GRID2: variants seen among roughly 807,000 people sequenced by gnomAD.
GRID2 encodes glutamate receptor ionotropic, delta-2.
A neutral mutation model predicts 114.8 loss-of-function variants in GRID2; 33 were observed. The ratio of observed to expected loss-of-function variants is 0.29; its 90% CI spans 0.22 to 0.38. GRID2 has a LOEUF of 0.38. Ranked by LOEUF, GRID2 falls within the 10% of genes least tolerant of loss-of-function variation. The probability of loss-of-function intolerance (pLI) is 1.00; values close to 1 mark genes in which losing one functional copy is unlikely to be tolerated. For synonymous variants in GRID2, 505 were observed against 449.9 expected (o/e 1.12, Z -1.55); for missense variants, 1,184 against 1,257.7 (o/e 0.94, Z 0.89).
intron 14 of GRID2, among the ~76,000 whole-genome samples, chr4:93,654,064 T>G (rs886421393): frequency 6.6e-6 from 1 of 152,208 alleles, no homozygotes; most frequent in African/African-American, 2.4e-5. Context: ...GGGTGTTTCT[T>G]AATAAGTGGA....
At chr4:93,663,486 AATAC>A (rs1723679523) in intron 14 of GRID2, among the ~76,000 whole-genome samples, 2 of 151,986 alleles carry the variant, frequency 1.3e-5, no homozygotes. Context: ...GTGTGTCCAA[AATAC>A]ATATGTATGT....
chr4:92,463,514 T>G (rs922653211), intron 1 of GRID2, among the ~76,000 whole-genome samples: 2 of 152,014 alleles, frequency 1.3e-5, no homozygotes, highest in Non-Finnish European at 2.9e-5. Context: ...CTGAGAAGTT[T>G]AAAAACAGTG....
At chr4:93,697,661 T>A (rs559636077) in intron 14 of GRID2, among the ~76,000 whole-genome samples, 1 of 151,998 alleles carries the variant, frequency 6.6e-6, no homozygotes, top group African/African-American at 2.4e-5. Context: ...AAGATGTTGG[T>A]CAAAGAATAC....
At chr4:92,315,778 C>G (rs1237865683) in intron 1 of GRID2, among the ~76,000 whole-genome samples, 1 of 151,840 alleles carries the variant, frequency 6.6e-6, no homozygotes, top group African/African-American at 2.4e-5. Context: ...CAAGATCAGC[C>G]TGACCAACAT....
chr4:92,755,887 C>T (rs1560574154), intron 2 of GRID2, among the ~76,000 whole-genome samples: 3 of 152,086 alleles, frequency 2.0e-5, no homozygotes, highest in Non-Finnish European at 4.4e-5. Context: ...TTGTTACATG[C>T]ATGCACTGTG....
chr4:93,619,550 A>C (rs1742022494), intron 13 of GRID2, among the ~76,000 whole-genome samples: 1 of 152,186 alleles, frequency 6.6e-6, no homozygotes, highest in Admixed American at 6.5e-5. Context: ...CATTATTCTC[A>C]GGCCTTTTCA....
chr4:92,486,302 C>T (rs1286034218), intron 1 of GRID2, among the ~76,000 whole-genome samples: 1 of 151,494 alleles, frequency 6.6e-6, no homozygotes, highest in African/African-American at 2.4e-5. Flanking sequence ...CTTTGGTATA[C>T]AGCATAAAAA....
At chr4:92,443,702 G>T (rs1275762588) in intron 1 of GRID2, among the ~76,000 whole-genome samples, 1 of 152,054 alleles carries the variant, frequency 6.6e-6, no homozygotes, top group African/African-American at 2.4e-5. Context: ...AGAAGGGGTA[G>T]AGACAAGGAG....
At position 92,907,429 on chromosome 4, in the gene GRID2, G is replaced by T. The variant is rs758954977; in HGVS notation, c.245-177566G>T. On this transcript the variant is annotated intron_variant, in intron 2 of 15. Transcript: ENST00000282020. ...CCATTCCAGTTTTAAATTTTTTTTT[G>T]AGACAGATATTCGCTCTTGTTTCCC... Among the ~76,000 whole-genome samples, 200 of 151,522 alleles carry T rather than the reference G, an allele frequency of 1.3e-3. 1 individual carries two copies. Among genetic ancestry groups the T allele is most frequent in the Non-Finnish European group, 2.3e-3 (159 of 67,866 alleles).
In GRID2 at chr4:92,406,544, T is replaced by TA. The variant is rs1044675644; in HGVS notation, c.88+101807dup. The stretch of plus-strand genomic sequence containing the variant: ...GAGTTTTGGGTATTTTTCCTTTTTT[T>TA]AAAAAAATGTCAACTTTTATTATAG... On this transcript the variant is annotated intron_variant, in intron 1 of 15. Transcript: ENST00000282020. 3.3e-5 allele frequency among the ~76,000 whole-genome samples: 5 copies of TA among 152,082 alleles called. No homozygotes were observed. The East Asian group carries it at 9.7e-4, about 29-fold the overall frequency.
At chr4:92,446,291 G>A (rs1482468247) in intron 1 of GRID2, among the ~76,000 whole-genome samples, 1 of 151,944 alleles carries the variant, frequency 6.6e-6, no homozygotes, top group African/African-American at 2.4e-5. Flanking sequence ...CCTCTTCTTG[G>A]TACCCAAATT....
At chr4:93,135,886 A>C (rs540539806) in intron 4 of GRID2, among the ~76,000 whole-genome samples, 3 of 152,200 alleles carry the variant, frequency 2.0e-5, no homozygotes, top group Non-Finnish European at 2.9e-5. Context: ...CAAAATACTT[A>C]TTATATGTGG....
chr4:92,670,088 A>G (rs1009185808), intron 2 of GRID2, among the ~76,000 whole-genome samples: 1 of 152,124 alleles, frequency 6.6e-6, no homozygotes, highest in Non-Finnish European at 1.5e-5. Context: ...TGAATAACAT[A>G]AAGGACTTTA....
intron 2 of GRID2, among the ~76,000 whole-genome samples, chr4:93,019,351 A>G (rs1217561523): frequency 2.0e-5 from 3 of 152,044 alleles, no homozygotes; most frequent in African/African-American, 7.2e-5. Flanking sequence ...TTTTCTTGTC[A>G]GTTTGAGTTT....
intron 2 of GRID2, among the ~76,000 whole-genome samples, chr4:92,739,828 A>C (rs1314366727): frequency 6.6e-6 from 1 of 152,148 alleles, no homozygotes. Flanking sequence ...AGTCTTATTC[A>C]TTGGTACTGT....
At chr4:93,487,025 A>T (rs1726478849) in intron 11 of GRID2, among the ~76,000 whole-genome samples, 2 of 151,698 alleles carry the variant, frequency 1.3e-5, no homozygotes, top group Admixed American at 6.6e-5. Context: ...AAACCATTCA[A>T]ATTTTCTATT....
At chr4:92,661,296 AC>A (rs1178794215) in intron 2 of GRID2, among the ~76,000 whole-genome samples, 3 of 150,984 alleles carry the variant, frequency 2.0e-5, no homozygotes, top group African/African-American at 7.3e-5. Flanking sequence ...TTAAAAAGTC[AC>A]CCTGTTTAAA....
chr4:92,844,627 T>C lies in GRID2; in HGVS notation c.245-240368T>C, dbSNP rs181854831. Among the ~76,000 whole-genome samples the C allele has an allele frequency of 2.0e-5, 3 of 150,374 alleles. No homozygotes were observed. The East Asian group carries it at 5.9e-4, about 30-fold the overall frequency. ...ATTGATTGTAGCCTTTCTTGTGTCA[T>C]GTCCTACATAGCAAATGATGAAAAT... On this transcript the variant is annotated intron_variant, in intron 2 of 15. Coordinates refer to ENST00000282020, the MANE Select transcript of GRID2 (RefSeq NM_001510.4).
At chr4:92,775,376 T>A (rs1372460521) in intron 2 of GRID2, among the ~76,000 whole-genome samples, 7 of 152,162 alleles carry the variant, frequency 4.6e-5, no homozygotes, top group African/African-American at 1.7e-4. Context: ...AAATTATCGA[T>A]GACAGAAAAA....
Sources: allele counts gnomAD v4.1 joint callset (sites outside exome capture counted in the v4.1 genomes callset), GRCh38; gene constraint gnomAD v4.1.1; transcripts MANE v1.5; gene names NCBI Gene and HGNC (gene_info 2026-07-23, HGNC 2026-07-21).